HSD17B12: variants seen among roughly 807,000 people sequenced by gnomAD.
HSD17B12 encodes hydroxysteroid 17-beta dehydrogenase 12.
In HSD17B12, 32 loss-of-function variants were observed where a neutral mutation model predicts 39.3. The observed-to-expected ratio is 0.81, with a 90% CI of 0.61 to 1.09. The LOEUF is 1.09. Ranked by LOEUF, HSD17B12 falls within the 50% of genes least tolerant of loss-of-function variation. HSD17B12 has a pLI of 0.00. For synonymous variants in HSD17B12, 150 were observed against 146.7 expected, an observed-to-expected ratio of 1.02 and a Z score of -0.16; for missense variants, 342 against 382.9, an observed-to-expected ratio of 0.89 and a Z score of 0.89.
intron 6 of HSD17B12, among the ~76,000 whole-genome samples, 157 bp downstream of exon 6, chr11:43,816,548 A>G (rs201709038): frequency 2.0e-5 from 3 of 152,258 alleles, no homozygotes; most frequent in Non-Finnish European, 2.9e-5. Context: ...TTCAGAAAAC[A>G]TAAAGAACTG....
At chr11:43,588,162 A>G in the HSD17B12 span, among the ~76,000 whole-genome samples, 3 of 152,346 alleles carry the variant, frequency 2.0e-5, no homozygotes, top group Admixed American at 2.0e-4. Flanking sequence ...CATTTAGGGC[A>G]AAGGGGCATT....
At chr11:43,838,982 C>T (rs1249170849) in intron 8 of HSD17B12, among the ~76,000 whole-genome samples, 1 of 152,068 alleles carries the variant, frequency 6.6e-6, no homozygotes, top group Admixed American at 6.6e-5. Context: ...CCATTAACCT[C>T]TTCACATTAC....
upstream of HSD17B12, among the ~76,000 whole-genome samples, chr11:43,679,622 A>G (rs1330543414): frequency 1.3e-5 from 2 of 152,230 alleles, no homozygotes; most frequent in African/African-American, 4.8e-5. Flanking sequence ...AGGGAAATTT[A>G]AAAAAGAAAG....
At chr11:43,614,254 G>A in the HSD17B12 span, among the ~76,000 whole-genome samples, 1 of 152,114 alleles carries the variant, frequency 6.6e-6, no homozygotes, top group Non-Finnish European at 1.5e-5. Flanking sequence ...ATTTTTTGAA[G>A]TAGATTTTCA....
intron 1 of HSD17B12, among the ~76,000 whole-genome samples, chr11:43,709,545 TC>T (rs1187103745): frequency 6.6e-6 from 1 of 152,246 alleles, no homozygotes; most frequent in Non-Finnish European, 1.5e-5. Context: ...CAGCCTTTTG[TC>T]CTCTCTGGTA....
the HSD17B12 span, among the ~76,000 whole-genome samples, chr11:43,631,659 CTCTG>C: frequency 1.3e-5 from 2 of 151,866 alleles, no homozygotes; most frequent in African/African-American, 2.4e-5. Flanking sequence ...CTCTCTCTCC[CTCTG>C]TCTCTCTCTC....
At chr11:43,801,454 T>C (rs1950967046) in intron 4 of HSD17B12, among the ~76,000 whole-genome samples, 1 of 152,090 alleles carries the variant, frequency 6.6e-6, no homozygotes, top group Admixed American at 6.6e-5. Flanking sequence ...AGGTTGTGGC[T>C]TGAACATCTG....
chr11:43,770,452 G>A (rs995602377), intron 3 of HSD17B12, among the ~76,000 whole-genome samples: 2 of 152,306 alleles, frequency 1.3e-5, no homozygotes, highest in African/African-American at 4.8e-5. Context: ...TCTCTGCCGG[G>A]CACAGTGGTT....
intron 4 of HSD17B12, among the ~76,000 whole-genome samples, chr11:43,809,677 G>A (rs899731701): frequency 8.6e-5 from 13 of 151,994 alleles, no homozygotes; most frequent in African/African-American, 2.9e-4. Context: ...AAAATTAGCC[G>A]GTCGTGGTGG....
At chr11:43,715,236 A>G (rs1395329600) in intron 1 of HSD17B12, among the ~76,000 whole-genome samples, 2 of 152,064 alleles carry the variant, frequency 1.3e-5, no homozygotes, top group African/African-American at 4.8e-5. Context: ...GTTTTTGCCC[A>G]TTCAGTATGA....
intron 1 of HSD17B12, among the ~76,000 whole-genome samples, chr11:43,742,139 A>ATATATATTTT (rs61178234): frequency 1.5e-3 from 189 of 123,472 alleles, no homozygotes; most frequent in Non-Finnish European, 1.8e-3. Flanking sequence ...ATATATATAT[A>ATATATATTTT]TTTTTTTTTT....
In HSD17B12 at chr11:43,794,534, A is replaced by G. The variant is rs568387482; in HGVS notation, c.284-3786A>G. On this transcript the variant is annotated intron_variant, in intron 3 of 10. Coordinates refer to ENST00000278353, the MANE Select transcript of HSD17B12 (RefSeq NM_016142.3). ...ATAACTAAAACTAGGGCATTGTGAAAGAACAGAAAAATAAGATAATAAACA... is the reference window on the plus strand; with the variant it reads ...ATAACTAAAACTAGGGCATTGTGAAGGAACAGAAAAATAAGATAATAAACA... 2.6e-5 allele frequency among the ~76,000 whole-genome samples: 4 copies of G among 152,356 alleles called. No individual in the cohort carries two copies. In the South Asian group the frequency reaches 8.3e-4, roughly 32 times the overall value.
intron 1 of HSD17B12, among the ~76,000 whole-genome samples, chr11:43,708,482 G>T (rs960085090): frequency 6.6e-6 from 1 of 152,128 alleles, no homozygotes; most frequent in Non-Finnish European, 1.5e-5. Context: ...ATGCTGAATT[G>T]CATCCCCCAT....
chr11:43,711,845 G>C (rs1950069444), intron 1 of HSD17B12, among the ~76,000 whole-genome samples: 1 of 152,122 alleles, frequency 6.6e-6, no homozygotes, highest in South Asian at 2.1e-4. Context: ...GAAAATTGCT[G>C]TCTTAACCCA....
At chr11:43,717,804 C>CTTTTTTT (rs34501307) in intron 1 of HSD17B12, among the ~76,000 whole-genome samples, 1 of 130,200 alleles carries the variant, frequency 7.7e-6, no homozygotes, top group African/African-American at 2.9e-5. Flanking sequence ...TCTTCTTCTT[C>CTTTTTTT]TTTTTTTTTT....
At chr11:43,627,352 T>C in the HSD17B12 span, among the ~76,000 whole-genome samples, 38 of 152,092 alleles carry the variant, frequency 2.5e-4, no homozygotes, top group African/African-American at 7.9e-4. Context: ...TGATACCTTA[T>C]TGAATAGGAG....
At chr11:43,799,966 T>G (rs1244200634) in intron 4 of HSD17B12, among the ~76,000 whole-genome samples, 1 of 152,144 alleles carries the variant, frequency 6.6e-6, no homozygotes, top group African/African-American at 2.4e-5. Context: ...GACCAATAGG[T>G]AAAAATGAAT....
chr11:43,754,764 A>T, intron 3 of HSD17B12: 1 of 601,112 alleles, frequency 1.7e-6, no homozygotes, highest in Non-Finnish European at 3.0e-6. Flanking sequence ...AATGTTTTTT[A>T]CTCTTTTTAT....
chr11:43,841,997 A>T (rs565256092), intron 9 of HSD17B12, among the ~76,000 whole-genome samples: 2 of 152,316 alleles, frequency 1.3e-5, no homozygotes, highest in South Asian at 4.1e-4. Flanking sequence ...TAATTGCAGA[A>T]ATTGGGGCTT....
Sources: gnomAD v4.1 joint callset for allele counts (sites outside exome capture counted in the v4.1 genomes callset) on GRCh38, gnomAD v4.1.1 for gene constraint, MANE v1.5 for transcripts, NCBI Gene and HGNC (gene_info 2026-07-23, HGNC 2026-07-21) for gene names.